The following ARMC9 variants were observed in gnomAD, a reference collection of about 807,000 sequenced individuals.
ARMC9 encodes lisH domain-containing protein ARMC9.
In ARMC9, 94 loss-of-function variants were observed where a neutral mutation model predicts 107.0. The ratio of observed to expected loss-of-function variants is 0.88; its 90% CI spans 0.74 to 1.04. ARMC9 has a LOEUF of 1.04. Among genes scored for constraint, ARMC9 ranks in the 50% least tolerant of loss-of-function variants. ARMC9 has a pLI of 0.00. For missense variants in ARMC9, 942 were observed against 1,030.1 expected, an observed-to-expected ratio of 0.91 and a Z score of 1.17; for synonymous variants, 380 against 396.9, an observed-to-expected ratio of 0.96 and a Z score of 0.51.
rs2046178813 is a variant in ARMC9, at chr2:231,375,790, G to C, written c.*4255G>C. 1.3e-5 allele frequency among the ~76,000 whole-genome samples: 2 copies of C among 152,150 alleles called. No individual in the cohort carries two copies. The highest frequency in any genetic ancestry group is 2.9e-5 in the Non-Finnish European group (2 of 68,046). On this transcript the variant is annotated 3_prime_UTR_variant, in exon 25 of 25. Coordinates refer to ENST00000611582, the MANE Select transcript of ARMC9 (RefSeq NM_001352754.2). The surrounding 1 kb of genome is among the most constrained non-coding windows in gnomAD (Gnocchi z 4.3). ...AAGGTGTCTACTAAAGCCTGGGGGT[G>C]GATGGGATCTCAGAAGGGGGACTAG...
chr2:231,262,654 T>C (rs140720111), intron 12 of ARMC9, among the ~76,000 whole-genome samples: 35 of 152,278 alleles, frequency 2.3e-4, no homozygotes, highest in Non-Finnish European at 4.0e-4. Flanking sequence ...CCCTACTCTT[T>C]ACCTCACCTC....
intron 10 of ARMC9, among the ~76,000 whole-genome samples, chr2:231,258,373 G>A (rs1473754340): frequency 5.3e-5 from 8 of 151,964 alleles, no homozygotes; most frequent in African/African-American, 1.7e-4. Context: ...TAGAGACGGG[G>A]TTTCACCATG....
intron 1 of ARMC9, among the ~76,000 whole-genome samples, chr2:231,199,918 G>T (rs988996638): frequency 2.0e-5 from 3 of 151,968 alleles, no homozygotes; most frequent in African/African-American, 4.8e-5. Flanking sequence ...GGCTGGTCTC[G>T]AACTCCTGAC....
At chr2:231,240,339 T>G (rs1438882263) in intron 9 of ARMC9, among the ~76,000 whole-genome samples, 1 of 152,232 alleles carries the variant, frequency 6.6e-6, no homozygotes, top group Non-Finnish European at 1.5e-5. Context: ...ATTCTCCTTT[T>G]TTAAAAGCAC....
At chr2:231,367,488 G>A (rs958778458) in intron 23 of ARMC9, among the ~76,000 whole-genome samples, 1 of 152,182 alleles carries the variant, frequency 6.6e-6, no homozygotes, top group African/African-American at 2.4e-5. Flanking sequence ...GCTGGTGCTG[G>A]CCGCCCTGTC....
rs998332282 is a variant in ARMC9, at chr2:231,332,951, T to C, written c.1878+1054T>C. Among the ~76,000 whole-genome samples, 3 of 152,152 alleles carry C rather than the reference T, an allele frequency of 2.0e-5. No homozygotes were observed. The East Asian group carries it at 5.8e-4, about 29-fold the overall frequency. On this transcript the variant is annotated intron_variant, in intron 20 of 24. Transcript: ENST00000611582. ...AAGGGTGGAGCCAGCGTCTCAACAG[T>C]TGACTGGCACAGCCAGAGCCTTGGG...
chr2:231,207,016 C>A (rs561776126), intron 2 of ARMC9, among the ~76,000 whole-genome samples: 1 of 152,254 alleles, frequency 6.6e-6, no homozygotes, highest in Admixed American at 6.5e-5. Flanking sequence ...ATTTAAAAAT[C>A]TTTTTAGAGA....
intron 6 of ARMC9, among the ~76,000 whole-genome samples, chr2:231,226,436 A>C (rs764678318): frequency 3.9e-5 from 6 of 152,204 alleles, no homozygotes; most frequent in Non-Finnish European, 7.3e-5. Context: ...GTATAAAATC[A>C]GATTTGCATT....
chr2:231,318,067 AATGC>A lies in ARMC9; in HGVS notation c.1774-13723_1774-13720del. On this transcript the variant is annotated intron_variant, in intron 19 of 24. Coordinates refer to ENST00000611582, the MANE Select transcript of ARMC9 (RefSeq NM_001352754.2). Reference sequence around the variant, plus strand: ...ACGCTTTGTTTCTGCTGTATCTAGTAATGCATTTGGTTGACAACCAGACGTTATA... The same window carrying A: ...ACGCTTTGTTTCTGCTGTATCTAGTAATTTGGTTGACAACCAGACGTTATA... Among the ~76,000 whole-genome samples, 2 of 151,560 alleles carry A rather than the reference AATGC, an allele frequency of 1.3e-5. 1 individual carries two copies. Among genetic ancestry groups the A allele is most frequent in the East Asian group, 3.9e-4 (2 of 5,182 alleles).
intron 21 of ARMC9, among the ~76,000 whole-genome samples, chr2:231,351,176 A>T (rs1021121176): frequency 6.8e-6 from 1 of 147,752 alleles, no homozygotes; most frequent in Non-Finnish European, 1.5e-5. Flanking sequence ...GATGGTCTCG[A>T]TCTCCTGACC....
chr2:231,288,768 C>T (rs550117760), intron 17 of ARMC9: 4 of 469,680 alleles, frequency 8.5e-6, no homozygotes, highest in African/African-American at 2.0e-5. Flanking sequence ...GGGCTACGCA[C>T]CGTGGTTTGA....
intron 6 of ARMC9, among the ~76,000 whole-genome samples, chr2:231,225,113 A>G (rs2034516175): frequency 6.6e-6 from 1 of 152,262 alleles, no homozygotes; most frequent in Non-Finnish European, 1.5e-5. Context: ...TATATTCCTT[A>G]TAGAAAATTT....
intron 9 of ARMC9, among the ~76,000 whole-genome samples, chr2:231,245,324 T>G (rs1481672976): frequency 2.0e-5 from 3 of 152,180 alleles, no homozygotes; most frequent in Non-Finnish European, 2.9e-5. Flanking sequence ...TTTTTTGTTT[T>G]CTAAGATTAC....
chr2:231,292,885 C>T (rs2041113822), intron 18 of ARMC9, among the ~76,000 whole-genome samples: 1 of 152,206 alleles, frequency 6.6e-6, no homozygotes, highest in South Asian at 2.1e-4. Flanking sequence ...GGGCGGTCAC[C>T]TGGGGAGATG....
At chr2:231,347,911 A>AAG (rs1425271584) in intron 21 of ARMC9, among the ~76,000 whole-genome samples, 1 of 152,254 alleles carries the variant, frequency 6.6e-6, no homozygotes, top group Non-Finnish European at 1.5e-5. Context: ...ATTTAAAAAT[A>AAG]AGTCTGGCAA....
intron 8 of ARMC9, among the ~76,000 whole-genome samples, chr2:231,237,176 G>GTGTGTGTGTA (rs2035793998): frequency 1.2e-4 from 1 of 8,280 alleles, no homozygotes; most frequent in East Asian, 0.011. Flanking sequence ...CTGCGTATGC[G>GTGTGTGTGTA]TGTGTGTGTG....
rs1436241888 is a variant in ARMC9, at chr2:231,372,869, T to C, written c.*1334T>C. 1.3e-5 allele frequency: 2 copies of C among 152,042 alleles called. No individual in the cohort carries two copies. Among genetic ancestry groups the C allele is most frequent in the South Asian group, 2.1e-4 (1 of 4,814 alleles). 9.4% of individuals were successfully genotyped at this position (152,042 alleles called of 1,614,324 possible). Reference sequence around the variant, plus strand: ...CATCTCTGGTCCCAATGGTCGTAAATAAAGGCTAAGCGCTGGATTTTTCCA... The same window carrying C: ...CATCTCTGGTCCCAATGGTCGTAAACAAAGGCTAAGCGCTGGATTTTTCCA... On this transcript the variant is annotated 3_prime_UTR_variant, in exon 25 of 25. Transcript: ENST00000611582.
chr2:231,219,494 A>G (rs896757243), intron 5 of ARMC9, among the ~76,000 whole-genome samples: 6 of 152,198 alleles, frequency 3.9e-5, no homozygotes, highest in African/African-American at 1.4e-4. Flanking sequence ...CCTAGCTCGC[A>G]TTGCTGCTAT....
chr2:231,261,794 C>T (rs1209802825), intron 11 of ARMC9, among the ~76,000 whole-genome samples: 1 of 152,046 alleles, frequency 6.6e-6, no homozygotes, highest in Non-Finnish European at 1.5e-5. Flanking sequence ...TATAAGTTGG[C>T]TCCCTGTGTC....
Sources: gnomAD v4.1 joint callset for allele counts (sites outside exome capture counted in the v4.1 genomes callset) on GRCh38, gnomAD v4.1.1 for gene constraint, Gnocchi (gnomAD v3.1) non-coding constraint, MANE v1.5 for transcripts, NCBI Gene and HGNC (gene_info 2026-07-23, HGNC 2026-07-21) for gene names.